Variants in RUVBL1 observed in about 807,000 individuals in gnomAD.
RUVBL1 encodes ruvB-like 1.
In RUVBL1, 4 loss-of-function variants were observed where a neutral mutation model predicts 52.4. The ratio of observed to expected loss-of-function variants is 0.08; its 90% CI spans 0.04 to 0.17. The LOEUF is 0.17. Ranked by LOEUF, RUVBL1 falls within the 10% of genes least tolerant of loss-of-function variation. RUVBL1 has a pLI of 1.00. For synonymous variants in RUVBL1, 217 were observed against 214.4 expected, an observed-to-expected ratio of 1.01 and a Z score of -0.10; for missense variants, 298 against 572.8, an observed-to-expected ratio of 0.52 and a Z score of 4.90.
At chr3:128,148,482 A>T (rs544022434) in intron 1 of RUVBL1, among the ~76,000 whole-genome samples, 8 of 152,138 alleles carry the variant, frequency 5.3e-5, no homozygotes, top group African/African-American at 1.9e-4. Flanking sequence ...TGACCTTGAC[A>T]TGTAAGTTTG....
At chr3:128,111,364 G>A (rs898268733) in intron 3 of RUVBL1, among the ~76,000 whole-genome samples, 5 of 152,092 alleles carry the variant, frequency 3.3e-5, no homozygotes, top group African/African-American at 1.2e-4. Context: ...TGTATCCCCA[G>A]GAGACGCTGA....
intron 1 of RUVBL1, among the ~76,000 whole-genome samples, chr3:128,138,359 T>C (rs2107732952): frequency 6.6e-6 from 1 of 152,096 alleles, no homozygotes; most frequent in East Asian, 1.9e-4. Context: ...ACAAATTCAA[T>C]AAAGTTGTAG....
intron 1 of RUVBL1, among the ~76,000 whole-genome samples, chr3:128,150,839 C>CTA (rs1363000190): frequency 4.5e-5 from 3 of 66,082 alleles, no homozygotes; most frequent in African/African-American, 6.1e-5. Flanking sequence ...ATTATATATT[C>CTA]TATATATATT....
intron 9 of RUVBL1, among the ~76,000 whole-genome samples, chr3:128,073,928 G>A (rs1473512552): frequency 1.3e-5 from 2 of 152,218 alleles, no homozygotes; most frequent in Admixed American, 6.5e-5. Context: ...TGAGTTAGAA[G>A]AATCTCCAAG....
chr3:128,081,149 G>T lies in RUVBL1; in HGVS notation c.*101C>A. 1 of 1,234,606 alleles carries T rather than the reference G, an allele frequency of 8.1e-7. No individual in the cohort carries two copies. Among genetic ancestry groups the T allele is most frequent in the Non-Finnish European group, 1.1e-6 (1 of 871,150 alleles). The allele number at this position is 1,234,606 out of a possible 1,614,324, so 76.5% of individuals were successfully genotyped here. ...ACTGACAGCGCTGCAGACCACGCCT[G>T]AGTGGGGACGGCAGCCCCAAGCCCA... On this transcript the variant is annotated 3_prime_UTR_variant, in exon 11 of 11. Transcript: ENST00000322623. The surrounding 1 kb of genome is among the most constrained non-coding windows in gnomAD (Gnocchi z 4.8).
chr3:128,089,508 G>C (rs1576446947), intron 8 of RUVBL1, among the ~76,000 whole-genome samples: 1 of 152,056 alleles, frequency 6.6e-6, no homozygotes, highest in South Asian at 2.1e-4. Flanking sequence ...CTGAATATTT[G>C]GTTTCAAAAA....
At chr3:128,103,636 C>G (rs1943157732) in intron 4 of RUVBL1, among the ~76,000 whole-genome samples, 1 of 152,192 alleles carries the variant, frequency 6.6e-6, no homozygotes, top group African/African-American at 2.4e-5. Flanking sequence ...CCAAAGGTCA[C>G]ACAGCAAGCT....
chr3:128,098,204 A>C (rs1047563391), intron 7 of RUVBL1, among the ~76,000 whole-genome samples: 1 of 152,172 alleles, frequency 6.6e-6, no homozygotes, highest in African/African-American at 2.4e-5. Flanking sequence ...AAACTGGAAG[A>C]TCTGAGGCAG....
intron 9 of RUVBL1, among the ~76,000 whole-genome samples, chr3:128,072,664 G>C (rs1426741412): frequency 1.3e-5 from 2 of 152,228 alleles, no homozygotes; most frequent in African/African-American, 2.4e-5. Context: ...CTCCAGACCA[G>C]CCAGGCGCTG....
chr3:128,130,941 T>G (rs1576484213), intron 1 of RUVBL1, among the ~76,000 whole-genome samples: 1 of 151,560 alleles, frequency 6.6e-6, no homozygotes, highest in African/African-American at 2.4e-5. Context: ...TGAGCCACCC[T>G]GCCCGGCCTT....
At chr3:128,124,285 C>A (rs1180248286), upstream of RUVBL1, among the ~76,000 whole-genome samples, 1 of 151,894 alleles carries the variant, frequency 6.6e-6, no homozygotes, top group Non-Finnish European at 1.5e-5. Context: ...ATTGTCTTCC[C>A]CTGCTTCTAT....
intron 2 of RUVBL1, among the ~76,000 whole-genome samples, chr3:128,118,922 C>T (rs1205398060): frequency 1.3e-5 from 2 of 152,092 alleles, no homozygotes; most frequent in African/African-American, 2.4e-5. Flanking sequence ...TTTCATCTCC[C>T]ACACAGCCAC....
At position 128,067,367 on chromosome 3, in the gene RUVBL1, A is replaced by T; in HGVS notation, c.940-2147T>A. The T allele has an allele frequency of 1.3e-6, 2 of 1,554,192 alleles. No individual in the cohort carries two copies. Among genetic ancestry groups the T allele is most frequent in the Admixed American group, 1.9e-5 (1 of 52,570 alleles). ...TCTGCTCAGAACTATTTTTGCCTTG[A>T]TGCTAAAGTAAAATGAAGGAGCACT... is the stretch of plus-strand genomic sequence containing the variant. On this transcript the variant is annotated intron_variant, in intron 9 of 9. Coordinates refer to the RUVBL1 transcript ENST00000464873. This position sits in a 1 kb window ranked among gnomAD's most constrained non-coding sequence, Gnocchi z 4.1.
At chr3:128,107,613 A>G (rs1943276352) in intron 3 of RUVBL1, among the ~76,000 whole-genome samples, 2 of 152,244 alleles carry the variant, frequency 1.3e-5, no homozygotes, top group African/African-American at 2.4e-5. Flanking sequence ...AAGTTAAGGA[A>G]AAGTTTTACT....
intron 8 of RUVBL1, among the ~76,000 whole-genome samples, chr3:128,095,778 C>T (rs1313026097): frequency 6.6e-6 from 1 of 152,048 alleles, no homozygotes; most frequent in African/African-American, 2.4e-5. Flanking sequence ...GATGAGGTCT[C>T]ACTGTTGTCC....
intron 1 of RUVBL1, among the ~76,000 whole-genome samples, chr3:128,136,751 G>C (rs1449947068): frequency 1.3e-5 from 2 of 151,968 alleles, no homozygotes; most frequent in Non-Finnish European, 2.9e-5. Context: ...AAAAGAGCAG[G>C]AGTAGCTATA....
chr3:128,066,803 G>A, intron 9 of RUVBL1: 1 of 674,506 alleles, frequency 1.5e-6, no homozygotes. Context: ...GGTAAGGAGT[G>A]GGCACAAGCT....
At chr3:128,128,394 A>C (rs938313245), upstream of RUVBL1, among the ~76,000 whole-genome samples, 8 of 152,222 alleles carry the variant, frequency 5.3e-5, no homozygotes, top group Admixed American at 3.3e-4. Flanking sequence ...CAGAAAGTCC[A>C]AGCAGGCATG....
At chr3:128,126,455 A>G (rs7432937), upstream of RUVBL1, among the ~76,000 whole-genome samples, 52,934 of 151,822 alleles carry the variant, frequency 0.35, 11,267 homozygotes, top group Non-Finnish European at 0.47. Context: ...CTGAGGCACG[A>G]GAATCGCTTG....
Sources: allele counts gnomAD v4.1 joint callset (sites outside exome capture counted in the v4.1 genomes callset), GRCh38; gene constraint gnomAD v4.1.1; non-coding constraint Gnocchi (gnomAD v3.1); transcripts MANE v1.5; gene names NCBI Gene and HGNC (gene_info 2026-07-23, HGNC 2026-07-21).